Variants in NUP35 observed in about 807,000 individuals in gnomAD.
NUP35 encodes the protein nucleoporin 35.
In NUP35, 25 loss-of-function variants were observed where a neutral mutation model predicts 41.5. The ratio of observed to expected loss-of-function variants is 0.60; its 90% CI spans 0.44 to 0.84. The LOEUF (loss-of-function observed/expected upper bound fraction) is 0.84. Ranked by LOEUF, NUP35 falls within the 40% of genes least tolerant of loss-of-function variation. The pLI is 0.00. For missense variants in NUP35, 396 were observed against 396.6 expected (o/e 1.00, Z 0.01); for synonymous variants, 149 against 130.7 (o/e 1.14, Z -0.96).
At chr2:183,159,859 T>G (rs1020365542) in intron 8 of NUP35, 1 of 458,766 alleles carries the variant, frequency 2.2e-6, no homozygotes. Context: ...AAAAAAAAAA[T>G]TATTTGCCAT....
chr2:183,121,867 C>A (rs2105525654), upstream of NUP35, among the ~76,000 whole-genome samples: 1 of 149,286 alleles, frequency 6.7e-6, no homozygotes. Context: ...AGCAATAACA[C>A]CTGTCATCAA....
chr2:183,143,893 A>G (rs1443293763), intron 4 of NUP35, among the ~76,000 whole-genome samples: 1 of 152,178 alleles, frequency 6.6e-6, no homozygotes, highest in African/African-American at 2.4e-5. Context: ...CTTTTTCGGT[A>G]TAATGTGTGT....
chr2:183,124,592 T>C, intron 1 of NUP35, 95 bp downstream of exon 1: 1 of 1,517,228 alleles, frequency 6.6e-7, no homozygotes, highest in South Asian at 1.1e-5. Flanking sequence ...GGCTCTCGTC[T>C]GCTGGTTTCA....
intron 4 of NUP35, among the ~76,000 whole-genome samples, chr2:183,139,785 A>G (rs1425936642): frequency 6.6e-6 from 1 of 152,224 alleles, no homozygotes; most frequent in Non-Finnish European, 1.5e-5. Context: ...ATCCTTCCTT[A>G]GAGTCTGCAG....
At chr2:183,157,558 A>C (rs750420872) in intron 6 of NUP35, 45 bp downstream of exon 6, 29 of 1,294,244 alleles carry the variant, frequency 2.2e-5, no homozygotes, top group Non-Finnish European at 2.8e-5. Flanking sequence ...CTAAAGAGGG[A>C]TAAGTTGTGA....
chr2:183,148,488 T>C (rs1685355590), intron 4 of NUP35, among the ~76,000 whole-genome samples: 1 of 152,170 alleles, frequency 6.6e-6, no homozygotes, highest in Non-Finnish European at 1.5e-5. Flanking sequence ...TGTTTAACAA[T>C]AGCCATTCTG....
intron 3 of NUP35, among the ~76,000 whole-genome samples, chr2:183,131,578 C>T (rs1297842703): frequency 6.6e-6 from 1 of 152,196 alleles, no homozygotes; most frequent in Non-Finnish European, 1.5e-5. Context: ...CTTCCCAACA[C>T]TTCTAGACCT....
chr2:183,131,058 C>A (rs928475723), intron 3 of NUP35: 5 of 480,486 alleles, frequency 1.0e-5, no homozygotes, highest in African/African-American at 5.9e-5. Context: ...CATAACTCTG[C>A]AGCCTTGAAC....
intron 5 of NUP35, among the ~76,000 whole-genome samples, chr2:183,155,031 T>C (rs546295203): frequency 6.6e-6 from 1 of 152,098 alleles, no homozygotes; most frequent in African/African-American, 2.4e-5. Context: ...ATCATGAGAA[T>C]AGCATAGGAA....
intron 3 of NUP35, among the ~76,000 whole-genome samples, chr2:183,132,399 CA>C (rs36122337): frequency 6.5e-4 from 92 of 140,908 alleles, no homozygotes; most frequent in Non-Finnish European, 5.3e-4. Flanking sequence ...ACTGAAAATA[CA>C]AAAAAAAAAA....
chr2:183,151,462 C>G, intron 4 of NUP35, 46 bp from the exon 5 acceptor site: 1 of 1,563,120 alleles, frequency 6.4e-7, no homozygotes. Flanking sequence ...TAGAATCAAT[C>G]GAGGTGTTTA....
chr2:183,157,646 C>G, intron 6 of NUP35, 133 bp downstream of exon 6: 2 of 626,336 alleles, frequency 3.2e-6, no homozygotes, highest in Non-Finnish European at 5.6e-6. Flanking sequence ...ATAATACATC[C>G]TTTGAAGTCT....
chr2:183,123,578 A>G (rs1700098715), upstream of NUP35, among the ~76,000 whole-genome samples: 1 of 152,226 alleles, frequency 6.6e-6, no homozygotes, highest in African/African-American at 2.4e-5. Context: ...ATGGGTGGAT[A>G]TTTTGGAAAT....
At chr2:183,137,055 A>C (rs1299917604) in intron 4 of NUP35, among the ~76,000 whole-genome samples, 1 of 151,662 alleles carries the variant, frequency 6.6e-6, no homozygotes, top group Non-Finnish European at 1.5e-5. Flanking sequence ...GAGCCACTGC[A>C]CTCCAGCCTG....
At chr2:183,149,899 A>T (rs1467327545) in intron 4 of NUP35, among the ~76,000 whole-genome samples, 1 of 151,764 alleles carries the variant, frequency 6.6e-6, no homozygotes, top group African/African-American at 2.4e-5. Flanking sequence ...ATAAAATGCT[A>T]CCTTTTTTTT....
intron 1 of NUP35, among the ~76,000 whole-genome samples, chr2:183,127,522 A>G (rs1251403096): frequency 6.6e-6 from 1 of 152,210 alleles, no homozygotes; most frequent in Non-Finnish European, 1.5e-5. Context: ...TATCACTGTT[A>G]TTTTGTAAGT....
chr2:183,151,460 A>G (rs547234331), intron 4 of NUP35, 48 bp from the exon 5 acceptor site: 35 of 1,566,176 alleles, frequency 2.2e-5, no homozygotes, highest in Non-Finnish European at 2.8e-5. Context: ...TTTAGAATCA[A>G]TCGAGGTGTT....
At chr2:183,121,474 G>C (rs1700066423), upstream of NUP35, among the ~76,000 whole-genome samples, 1 of 152,070 alleles carries the variant, frequency 6.6e-6, no homozygotes, top group Non-Finnish European at 1.5e-5. Context: ...AAGGGTAAAA[G>C]ATTGAAATGC....
chr2:183,130,542 A>G lies in NUP35; in HGVS notation c.336A>G (p.Arg112=), dbSNP rs778078798. The G allele has an allele frequency of 3.0e-5, 48 of 1,613,026 alleles. No homozygotes were observed. The highest frequency in any genetic ancestry group is 4.0e-5 in the Non-Finnish European group (47 of 1,179,644). The change falls in exon 3 of 9, where the codon AGA becomes AGG. Residue 112 remains arginine, a synonymous_variant. Coordinates refer to ENST00000295119, the MANE Select transcript of NUP35 (RefSeq NM_138285.5). ...GATCAACACCTTTAACTTCAAGAAG[A>G]CAGGTAATATAAATACCCTTTTGAT... ...GLGSTPLTSR[R]QPNISVMQSP... is the part of the protein sequence containing the mutation.
Sources: gnomAD v4.1 joint callset for allele counts (sites outside exome capture counted in the v4.1 genomes callset) on GRCh38, gnomAD v4.1.1 for gene constraint, MANE v1.5 for transcripts, NCBI Gene and HGNC (gene_info 2026-07-23, HGNC 2026-07-21) for gene names.